CSMD1: variants seen among roughly 807,000 people sequenced by gnomAD.
The protein encoded by CSMD1 is CUB and Sushi multiple domains 1, also known as CUB and sushi domain-containing protein 1.
In CSMD1, 213 loss-of-function variants were observed where a neutral mutation model predicts 417.5. That is an observed-to-expected ratio of 0.51 (90% CI 0.46 to 0.57). The LOEUF (loss-of-function observed/expected upper bound fraction) is 0.57, where lower values mean the gene tolerates loss of function less well. Among genes scored for constraint, CSMD1 ranks in the 20% least tolerant of loss-of-function variants. The pLI, the probability that CSMD1 is intolerant of heterozygous loss-of-function variation, is 0.00. For synonymous variants in CSMD1, 2,862 were observed against 1,736.8 expected (o/e 1.65, Z -16.11); for missense variants, 6,923 against 4,529.7 (o/e 1.53, Z -15.17).
chr8:3,384,895 T>G (rs1436233118), intron 18 of CSMD1, among the ~76,000 whole-genome samples: 2 of 122,222 alleles, frequency 1.6e-5, no homozygotes, highest in African/African-American at 6.6e-5. Flanking sequence ...ATATATAATA[T>G]ATATTATATA....
rs150801395 is a variant in CSMD1 at position 4,316,971 on chromosome 8, G to A, written c.415+102982C>T. The stretch of plus-strand genomic sequence containing the variant: ...GTCAGATTCATACGAAAACTCAAGA[G>A]TAAATACAATCGACTCTTATTGAGC... On this transcript the variant is annotated intron_variant, in intron 3 of 69. Transcript: ENST00000635120. Among the ~76,000 whole-genome samples the A allele has an allele frequency of 1.7e-3, 245 of 148,146 alleles. 2 individuals carry two copies. The highest frequency in any genetic ancestry group is 5.5e-3 in the African/African-American group (224 of 40,716).
chr8:3,968,154 T>A (rs922875967), intron 5 of CSMD1, among the ~76,000 whole-genome samples: 2 of 151,586 alleles, frequency 1.3e-5, no homozygotes, highest in Non-Finnish European at 2.9e-5. Flanking sequence ...CCCACTGCAC[T>A]CCAGCCTGGG....
intron 8 of CSMD1, among the ~76,000 whole-genome samples, chr8:3,593,798 C>T (rs912411450): frequency 6.6e-6 from 1 of 152,094 alleles, no homozygotes; most frequent in East Asian, 1.9e-4. Flanking sequence ...ATATATGGGT[C>T]ATTCTCCCAT....
At chr8:3,132,708 T>C (rs1436517429) in intron 41 of CSMD1, among the ~76,000 whole-genome samples, 1 of 152,204 alleles carries the variant, frequency 6.6e-6, no homozygotes, top group Non-Finnish European at 1.5e-5. Context: ...ACCTGAGCAA[T>C]TGTAATCTGC....
At chr8:4,891,118 A>G (rs1207646098) in intron 1 of CSMD1, among the ~76,000 whole-genome samples, 1 of 152,162 alleles carries the variant, frequency 6.6e-6, no homozygotes, top group Non-Finnish European at 1.5e-5. Flanking sequence ...CCTTCCTGAG[A>G]GCAGAGGCTG....
At chr8:4,198,023 C>T (rs1424802977) in intron 3 of CSMD1, among the ~76,000 whole-genome samples, 3 of 152,298 alleles carry the variant, frequency 2.0e-5, no homozygotes, top group African/African-American at 7.2e-5. Context: ...GTTGGGGGCA[C>T]AGACTGCAGC....
chr8:3,727,906 G>C (rs1802587134), intron 6 of CSMD1, among the ~76,000 whole-genome samples: 1 of 152,170 alleles, frequency 6.6e-6, no homozygotes, highest in Non-Finnish European at 1.5e-5. Flanking sequence ...TAGATACTTA[G>C]AGTAGTCAAA....
chr8:4,903,055 C>G (rs983907526), intron 1 of CSMD1, among the ~76,000 whole-genome samples: 1 of 150,752 alleles, frequency 6.6e-6, no homozygotes, highest in Admixed American at 6.6e-5. Flanking sequence ...AAATAATAAA[C>G]TTTGAATACT....
At chr8:3,958,299 T>C (rs565460327) in intron 5 of CSMD1, among the ~76,000 whole-genome samples, 1 of 138,572 alleles carries the variant, frequency 7.2e-6, no homozygotes, top group African/African-American at 2.7e-5. Context: ...GGAAAAAAAG[T>C]TTCATTTTTT....
chr8:4,839,605 G>A (rs1449816976), intron 1 of CSMD1, among the ~76,000 whole-genome samples: 1 of 152,108 alleles, frequency 6.6e-6, no homozygotes, highest in African/African-American at 2.4e-5. Flanking sequence ...GTTATTTTCT[G>A]TTTAATACTT....
intron 7 of CSMD1, among the ~76,000 whole-genome samples, chr8:3,698,530 G>A (rs1430039760): frequency 1.3e-5 from 2 of 152,216 alleles, no homozygotes; most frequent in Non-Finnish European, 2.9e-5. Flanking sequence ...ACACGGATTA[G>A]CAGGCATGCC....
Position 3,871,247 on chromosome 8 carries a change from G to A in CSMD1, c.819-117205C>T, listed in dbSNP as rs573968307. ...TTAAAATTAGAGAATACATATTTTA[G>A]CACTTAATAATGCCAAATTACTCTT... is the stretch of plus-strand genomic sequence containing the variant. On this transcript the variant is annotated intron_variant, in intron 5 of 69. Coordinates refer to ENST00000635120, the MANE Select transcript of CSMD1 (RefSeq NM_033225.6). Among the ~76,000 whole-genome samples, 321 of 151,914 alleles carry A rather than the reference G, an allele frequency of 2.1e-3. 1 individual carries two copies. Among genetic ancestry groups the A allele is most frequent in the African/African-American group, 7.5e-3 (311 of 41,486 alleles).
intron 2 of CSMD1, among the ~76,000 whole-genome samples, chr8:4,446,568 G>T (rs1255107958): frequency 1.3e-5 from 2 of 152,028 alleles, no homozygotes; most frequent in African/African-American, 2.4e-5. Flanking sequence ...GTTTTGTTGT[G>T]GGGAAGATGG....
chr8:4,074,506 T>G (rs554503607), intron 3 of CSMD1, among the ~76,000 whole-genome samples: 1 of 152,118 alleles, frequency 6.6e-6, no homozygotes, highest in Admixed American at 6.5e-5. Flanking sequence ...GTTTGATACT[T>G]TACAAAACAT....
At chr8:4,352,753 G>C (rs1002128677) in intron 3 of CSMD1, among the ~76,000 whole-genome samples, 2 of 152,190 alleles carry the variant, frequency 1.3e-5, no homozygotes, top group Non-Finnish European at 2.9e-5. Context: ...GTCATTTGAT[G>C]GAAACCATGG....
chr8:4,517,501 G>C (rs373653635), intron 2 of CSMD1, among the ~76,000 whole-genome samples: 31 of 152,188 alleles, frequency 2.0e-4, no homozygotes, highest in African/African-American at 7.0e-4. Flanking sequence ...CAATAACTGT[G>C]GCATACTAAA....
At chr8:3,797,592 A>C (rs944781840) in intron 5 of CSMD1, among the ~76,000 whole-genome samples, 3 of 151,960 alleles carry the variant, frequency 2.0e-5, no homozygotes, top group African/African-American at 7.2e-5. Flanking sequence ...CAAATGTTTT[A>C]TGTTTCAGCA....
At chr8:4,227,218 A>G (rs979411505) in intron 3 of CSMD1, among the ~76,000 whole-genome samples, 1 of 152,166 alleles carries the variant, frequency 6.6e-6, no homozygotes, top group Non-Finnish European at 1.5e-5. Context: ...AAAGTACTGC[A>G]TGACCCGATG....
intron 5 of CSMD1, among the ~76,000 whole-genome samples, chr8:3,847,127 G>C (rs556494991): frequency 2.6e-5 from 4 of 152,228 alleles, no homozygotes; most frequent in South Asian, 4.1e-4. Context: ...TCCTCCTCTT[G>C]CAAGTGGGCA....
Sources: allele counts gnomAD v4.1 joint callset (sites outside exome capture counted in the v4.1 genomes callset), GRCh38; gene constraint gnomAD v4.1.1; transcripts MANE v1.5; gene names NCBI Gene and HGNC (gene_info 2026-07-23, HGNC 2026-07-21).